The following SORCS1 variants were observed in gnomAD, a reference collection of about 807,000 sequenced individuals.
SORCS1 encodes the protein VPS10 domain-containing receptor SorCS1.
Under a neutral mutation model 146.1 loss-of-function variants are expected in SORCS1, and 60 were observed. The ratio of observed to expected loss-of-function variants is 0.41; its 90% CI spans 0.33 to 0.51. The LOEUF (loss-of-function observed/expected upper bound fraction) is 0.51, where lower values mean the gene tolerates loss of function less well. Ranked by LOEUF, SORCS1 falls within the 20% of genes least tolerant of loss-of-function variation. The pLI is 0.21. For synonymous variants in SORCS1, 637 were observed against 584.0 expected (o/e 1.09, Z -1.31); for missense variants, 1,352 against 1,487.6 (o/e 0.91, Z 1.50).
chr10:107,171,037 G>A, the SORCS1 span, among the ~76,000 whole-genome samples: 1 of 152,146 alleles, frequency 6.6e-6, no homozygotes, highest in African/African-American at 2.4e-5. Context: ...TTCCTCATGT[G>A]AGACTGATTT....
chr10:106,963,013 G>C (rs1245402072), intron 1 of SORCS1, among the ~76,000 whole-genome samples: 1 of 151,760 alleles, frequency 6.6e-6, no homozygotes, highest in African/African-American at 2.4e-5. Context: ...GCAAATATGG[G>C]GGAAGAGAAT....
intron 1 of SORCS1, among the ~76,000 whole-genome samples, chr10:106,985,473 T>C (rs976259995): frequency 6.6e-6 from 1 of 151,586 alleles, no homozygotes; most frequent in East Asian, 1.9e-4. Flanking sequence ...AATGAATGTC[T>C]ACAGAGTGTC....
upstream of SORCS1, among the ~76,000 whole-genome samples, chr10:107,166,649 T>A (rs182073828): frequency 2.6e-5 from 4 of 152,292 alleles, no homozygotes; most frequent in African/African-American, 4.8e-5. Flanking sequence ...AGAGCGGTAG[T>A]TTTTTCTTTC....
intron 10 of SORCS1, 112 bp from the exon 11 acceptor site, chr10:106,679,846 A>T (rs566335653): frequency 1.3e-6 from 1 of 766,972 alleles, no homozygotes; most frequent in East Asian, 2.8e-5. Flanking sequence ...CCATACATCC[A>T]TGCACCACTC....
At chr10:106,666,267 C>G (rs545286880) in intron 17 of SORCS1, among the ~76,000 whole-genome samples, 47 of 152,330 alleles carry the variant, frequency 3.1e-4, no homozygotes, top group African/African-American at 1.1e-3. Flanking sequence ...TTGACAGTTC[C>G]CAAAGTAAGA....
chr10:106,607,967 C>G (rs1486044961), intron 22 of SORCS1, among the ~76,000 whole-genome samples: 3 of 152,176 alleles, frequency 2.0e-5, no homozygotes, highest in African/African-American at 4.8e-5. Context: ...CACACTGACT[C>G]TTCTGTTAAA....
At chr10:106,649,298 C>T (rs1849685925) in intron 18 of SORCS1, among the ~76,000 whole-genome samples, 2 of 152,098 alleles carry the variant, frequency 1.3e-5, no homozygotes, top group Admixed American at 6.5e-5. Context: ...AAACATTCAC[C>T]CCTAGACACT....
intron 4 of SORCS1, among the ~76,000 whole-genome samples, chr10:106,771,880 G>A (rs1057323996): frequency 3.9e-5 from 6 of 152,136 alleles, no homozygotes; most frequent in South Asian, 2.1e-4. Flanking sequence ...TCCTATGAAC[G>A]CAGGCTACTT....
At chr10:106,989,680 G>GTTTTTTTT (rs761689988) in intron 1 of SORCS1, among the ~76,000 whole-genome samples, 124 of 70,348 alleles carry the variant, frequency 1.8e-3, no homozygotes, top group African/African-American at 6.4e-3. Context: ...GTTTTTTTTT[G>GTTTTTTTT]TTTTTTTTTT....
At chr10:106,586,959 C>T (rs1262003450) in intron 24 of SORCS1, among the ~76,000 whole-genome samples, 3 of 152,070 alleles carry the variant, frequency 2.0e-5, no homozygotes, top group East Asian at 1.9e-4. Context: ...TGTGTCTAAA[C>T]GAAGCCAACG....
At chr10:106,743,446 G>C (rs1857497498) in intron 5 of SORCS1, among the ~76,000 whole-genome samples, 1 of 152,064 alleles carries the variant, frequency 6.6e-6, no homozygotes, top group South Asian at 2.1e-4. Flanking sequence ...TTGAGAAGGA[G>C]TCTCATTCTG....
chr10:106,719,758 T>C (rs1409259002), intron 6 of SORCS1, among the ~76,000 whole-genome samples: 2 of 152,122 alleles, frequency 1.3e-5, no homozygotes, highest in African/African-American at 2.4e-5. Context: ...ATACCAGCTA[T>C]CATACCTGAA....
intron 5 of SORCS1, among the ~76,000 whole-genome samples, chr10:106,754,916 A>G (rs1858523140): frequency 6.6e-6 from 1 of 152,224 alleles, no homozygotes; most frequent in Non-Finnish European, 1.5e-5. Context: ...TGTATGTCAG[A>G]GCAACATAAT....
intron 4 of SORCS1, among the ~76,000 whole-genome samples, chr10:106,769,498 AAAAG>A (rs1213983062): frequency 1.5e-4 from 22 of 151,610 alleles, no homozygotes; most frequent in African/African-American, 4.1e-4. Flanking sequence ...AAAAAAAAAA[AAAAG>A]AAAGAAAGAA....
chr10:106,623,312 G>A (rs996258103), intron 19 of SORCS1, among the ~76,000 whole-genome samples: 20 of 147,684 alleles, frequency 1.4e-4, no homozygotes, highest in Non-Finnish European at 2.8e-4. Flanking sequence ...GCACGATCTC[G>A]GAGCATTGCA....
chr10:106,706,140 AATT>A (rs1412519762), intron 8 of SORCS1, among the ~76,000 whole-genome samples: 1 of 152,082 alleles, frequency 6.6e-6, no homozygotes, highest in East Asian at 1.9e-4. Flanking sequence ...AAAGCAAATC[AATT>A]ATTAAAATTC....
intron 1 of SORCS1, among the ~76,000 whole-genome samples, chr10:107,033,186 G>A (rs893709073): frequency 1.3e-5 from 2 of 152,126 alleles, no homozygotes; most frequent in South Asian, 2.1e-4. Context: ...GAGAATGTGC[G>A]CAGAAGGGAA....
At chr10:106,840,845 A>T (rs1437951238) in intron 2 of SORCS1, among the ~76,000 whole-genome samples, 2 of 135,698 alleles carry the variant, frequency 1.5e-5, no homozygotes, top group African/African-American at 5.7e-5. Context: ...GTTATATTAT[A>T]TATATATATA....
At chr10:106,897,819 C>T (rs916031144) in intron 2 of SORCS1, among the ~76,000 whole-genome samples, 2 of 152,174 alleles carry the variant, frequency 1.3e-5, no homozygotes, top group African/African-American at 4.8e-5. Context: ...CAATGGTACA[C>T]GTGAGCTCAG....
Sources: gnomAD v4.1 joint callset for allele counts (sites outside exome capture counted in the v4.1 genomes callset) on GRCh38, gnomAD v4.1.1 for gene constraint, MANE v1.5 for transcripts, NCBI Gene and HGNC (gene_info 2026-07-23, HGNC 2026-07-21) for gene names.